RANBP2: variants seen among roughly 807,000 people sequenced by gnomAD.
RANBP2 encodes the protein E3 SUMO-protein ligase RanBP2.
In RANBP2, 57 loss-of-function variants were observed where a neutral mutation model predicts 303.6. The ratio of observed to expected loss-of-function variants is 0.19; its 90% confidence interval spans 0.15 to 0.23. The LOEUF is 0.23. Ranked by LOEUF, RANBP2 falls within the 10% of genes least tolerant of loss-of-function variation. RANBP2 has a pLI of 1.00. For synonymous variants in RANBP2, 1,167 were observed against 1,301.5 expected, an observed-to-expected ratio of 0.90 and a Z score of 2.23; for missense variants, 3,138 against 3,780.8, an observed-to-expected ratio of 0.83 and a Z score of 4.46.
chr2:108,814,520 TGTG>T, the RANBP2 span, among the ~76,000 whole-genome samples: 1 of 152,112 alleles, frequency 6.6e-6, no homozygotes, highest in Non-Finnish European at 1.5e-5. Flanking sequence ...TTCAGAATAA[TGTG>T]GTAATGCTAC....
chr2:108,755,411 G>A, intron 17 of RANBP2, 152 bp downstream of exon 17: 1 of 1,262,206 alleles, frequency 7.9e-7, no homozygotes, highest in Non-Finnish European at 1.1e-6. Flanking sequence ...TTTTTTTTAA[G>A]ACAGGGTCTT....
the RANBP2 span, among the ~76,000 whole-genome samples, chr2:109,610,538 A>C: frequency 1.3e-5 from 2 of 152,120 alleles, no homozygotes; most frequent in African/African-American, 2.4e-5. Flanking sequence ...AACATGGAGA[A>C]ACCCTGTGTC....
the RANBP2 span, among the ~76,000 whole-genome samples, chr2:108,862,933 G>A: frequency 3.0e-5 from 2 of 66,464 alleles, no homozygotes; most frequent in African/African-American, 1.1e-4. Context: ...TTTAAATTCT[G>A]TGTTTCAATT....
At chr2:108,871,419 G>A in the RANBP2 span, among the ~76,000 whole-genome samples, 1 of 150,856 alleles carries the variant, frequency 6.6e-6, no homozygotes, top group Admixed American at 6.6e-5. Context: ...TGGGCATGAT[G>A]GTGTGTGCCT....
intron 1 of RANBP2, among the ~76,000 whole-genome samples, chr2:108,721,572 T>C (rs1694249667): frequency 6.6e-6 from 1 of 152,120 alleles, no homozygotes; most frequent in South Asian, 2.1e-4. Context: ...TCCCGAGTAG[T>C]TGGGACCACA....
At chr2:109,528,640 G>A in the RANBP2 span, among the ~76,000 whole-genome samples, 1 of 152,230 alleles carries the variant, frequency 6.6e-6, no homozygotes, top group Non-Finnish European at 1.5e-5. Flanking sequence ...AGAGCCCAGA[G>A]AACAGGAGGA....
the RANBP2 span, among the ~76,000 whole-genome samples, chr2:109,190,749 A>G: frequency 3.9e-5 from 6 of 152,104 alleles, no homozygotes; most frequent in Admixed American, 3.3e-4. Flanking sequence ...TCCCAGTCAC[A>G]TGACTCACAC....
the RANBP2 span, among the ~76,000 whole-genome samples, chr2:109,674,377 C>T: frequency 9.6e-5 from 13 of 136,072 alleles, no homozygotes; most frequent in East Asian, 2.2e-4. Flanking sequence ...AGTTCATGAC[C>T]GGCCCGGGAA....
the RANBP2 span, among the ~76,000 whole-genome samples, chr2:109,630,079 A>G: frequency 6.6e-5 from 10 of 152,282 alleles, no homozygotes; most frequent in South Asian, 2.1e-3. Flanking sequence ...ACAAAGTGAC[A>G]CTAAGGTTTA....
the RANBP2 span, among the ~76,000 whole-genome samples, chr2:109,354,441 C>T: frequency 6.6e-6 from 1 of 152,250 alleles, no homozygotes; most frequent in Admixed American, 6.5e-5. Flanking sequence ...GGCTGTGGGC[C>T]ACTCATGGCC....
chr2:109,076,056 G>C, the RANBP2 span, among the ~76,000 whole-genome samples: 6 of 150,326 alleles, frequency 4.0e-5, no homozygotes, highest in African/African-American at 9.7e-5. Flanking sequence ...TATTAGCAAA[G>C]CGAATTCATT....
At chr2:109,324,496 A>C in the RANBP2 span, among the ~76,000 whole-genome samples, 1 of 152,242 alleles carries the variant, frequency 6.6e-6, no homozygotes, top group African/African-American at 2.4e-5. Flanking sequence ...AGTGGATGTG[A>C]AGTAGTTTTG....
At chr2:109,143,763 AAAACAAAC>A in the RANBP2 span, among the ~76,000 whole-genome samples, 22 of 151,120 alleles carry the variant, frequency 1.5e-4, no homozygotes, top group South Asian at 8.4e-4. Flanking sequence ...GAAACAAAAC[AAAACAAAC>A]AAACAAACAA....
chr2:109,291,621 A>C, the RANBP2 span, among the ~76,000 whole-genome samples: 1,391 of 152,186 alleles, frequency 9.1e-3, 23 homozygotes, highest in African/African-American at 0.032. Context: ...CGTGGTGGGG[A>C]AATGTGTGGA....
the RANBP2 span, chr2:109,545,350 T>C: frequency 6.7e-7 from 1 of 1,495,358 alleles, no homozygotes; most frequent in Non-Finnish European, 8.9e-7. Flanking sequence ...ATAAACTTAT[T>C]TTCTAAAACT....
intron 7 of RANBP2, among the ~76,000 whole-genome samples, chr2:108,744,292 T>A (rs1371324062): frequency 6.6e-6 from 1 of 151,976 alleles, no homozygotes; most frequent in Non-Finnish European, 1.5e-5. Context: ...TAATCCCAGC[T>A]ACTTGAGAGG....
downstream of RANBP2, among the ~76,000 whole-genome samples, chr2:108,788,510 G>T (rs1182471474): frequency 6.6e-6 from 1 of 152,036 alleles, no homozygotes; most frequent in Non-Finnish European, 1.5e-5. Flanking sequence ...GAGGTCAGGA[G>T]ATGGAGACCA....
the RANBP2 span, among the ~76,000 whole-genome samples, chr2:109,430,113 C>A: frequency 2.2e-3 from 337 of 152,314 alleles, 2 homozygotes; most frequent in Admixed American, 5.0e-3. Context: ...ATGAGCCCCC[C>A]ACTCCAGAGG....
chr2:108,757,160 T>C (rs1245725635), intron 17 of RANBP2, among the ~76,000 whole-genome samples: 1 of 152,190 alleles, frequency 6.6e-6, no homozygotes, highest in Non-Finnish European at 1.5e-5. Context: ...TTTCAAAATT[T>C]ACCTGTTTTC....
Sources: gnomAD v4.1 joint callset for allele counts (sites outside exome capture counted in the v4.1 genomes callset) on GRCh38, gnomAD v4.1.1 for gene constraint, MANE v1.5 for transcripts, NCBI Gene and HGNC (gene_info 2026-07-23, HGNC 2026-07-21) for gene names.